The following FRMD4A variants were observed in gnomAD, a reference collection of about 807,000 sequenced individuals.
FRMD4A encodes the protein FERM domain containing 4A.
In FRMD4A, 29 loss-of-function variants were observed where a neutral mutation model predicts 129.1. The observed-to-expected ratio is 0.22, with a 90% CI of 0.17 to 0.31. FRMD4A has a LOEUF of 0.31. Ranked by LOEUF, FRMD4A falls within the 10% of genes least tolerant of loss-of-function variation. The pLI is 1.00. For synonymous variants in FRMD4A, 634 were observed against 571.6 expected (o/e 1.11, Z -1.56); for missense variants, 1,272 against 1,375.8 (o/e 0.92, Z 1.19).
chr10:13,869,463 C>T (rs1037663936), intron 2 of FRMD4A, among the ~76,000 whole-genome samples: 4 of 152,248 alleles, frequency 2.6e-5, no homozygotes, highest in Admixed American at 6.5e-5. Context: ...GCCAAGATTC[C>T]GCTGGGGCGG....
chr10:14,140,166 A>G (rs561120846), intron 2 of FRMD4A, among the ~76,000 whole-genome samples: 6 of 152,176 alleles, frequency 3.9e-5, no homozygotes, highest in East Asian at 1.9e-4. Flanking sequence ...GGTTCAAGCG[A>G]TTCTCCCACC....
chr10:14,231,037 G>A (rs183243769), intron 2 of FRMD4A, among the ~76,000 whole-genome samples: 7 of 152,270 alleles, frequency 4.6e-5, no homozygotes, highest in Admixed American at 4.6e-4. Context: ...TGGGCACTAA[G>A]GTTGATTTCA....
chr10:14,174,970 A>G lies in FRMD4A; in HGVS notation c.45+155088T>C, dbSNP rs544496377. On this transcript the variant is annotated intron_variant, in intron 2 of 24. Transcript: ENST00000357447. ...CAGGAGTCCAAATAAATCAGGATTG[A>G]CTGTTTCATTCAGCATTGCTGGTCA... 1.8e-4 allele frequency among the ~76,000 whole-genome samples: 28 copies of G among 151,840 alleles called. No individual in the cohort carries two copies. In the South Asian group the frequency reaches 5.6e-3, roughly 30 times the overall value.
chr10:13,681,637 A>T (rs897225385), intron 15 of FRMD4A, among the ~76,000 whole-genome samples: 1 of 152,174 alleles, frequency 6.6e-6, no homozygotes, highest in African/African-American at 2.4e-5. Flanking sequence ...GAGTATTCTG[A>T]ATATTCTTTA....
At chr10:13,721,178 G>C (rs2089373292) in intron 12 of FRMD4A, among the ~76,000 whole-genome samples, 1 of 152,124 alleles carries the variant, frequency 6.6e-6, no homozygotes, top group African/African-American at 2.4e-5. Context: ...GACAGTCTTT[G>C]ATTAAAACTC....
intron 6 of FRMD4A, among the ~76,000 whole-genome samples, chr10:13,777,791 A>ATTTTTTTTTTTTTTTTT (rs34059772): frequency 3.5e-5 from 3 of 85,964 alleles, no homozygotes; most frequent in East Asian, 3.9e-4. Flanking sequence ...CTTTGGGTCA[A>ATTTTTTTTTTTTTTTTT]TTTTTTTTTT....
intron 13 of FRMD4A, among the ~76,000 whole-genome samples, chr10:13,705,667 T>G (rs2087353573): frequency 6.6e-6 from 1 of 152,102 alleles, no homozygotes; most frequent in Non-Finnish European, 1.5e-5. Context: ...TTTTGAAATC[T>G]CCCCGCCCAC....
At chr10:14,192,209 A>C (rs566549859) in intron 2 of FRMD4A, among the ~76,000 whole-genome samples, 2 of 152,306 alleles carry the variant, frequency 1.3e-5, no homozygotes, top group East Asian at 3.9e-4. Context: ...GGAGAATAAC[A>C]TATCTAATTC....
intron 2 of FRMD4A, among the ~76,000 whole-genome samples, chr10:14,054,422 G>C (rs1834410749): frequency 6.6e-6 from 1 of 152,106 alleles, no homozygotes; most frequent in Non-Finnish European, 1.5e-5. Flanking sequence ...CCACAGCCTT[G>C]CCCTAATTTC....
chr10:13,693,139 G>T lies in FRMD4A; in HGVS notation c.1117+759C>A, dbSNP rs143458609. The T allele has an allele frequency of 5.7e-3, 883 of 155,110 alleles. 9 individuals are homozygous for T. Among genetic ancestry groups the T allele is most frequent in the African/African-American group, 0.021 (847 of 41,250 alleles). 9.6% of individuals were successfully genotyped at this position (155,110 alleles called of 1,614,324 possible). A position where few individuals can be genotyped will look rare whatever the true frequency, so the allele number is the denominator to read the frequency against. On this transcript the variant is annotated intron_variant, in intron 15 of 24. Coordinates refer to ENST00000357447, the MANE Select transcript of FRMD4A (RefSeq NM_018027.5). ...TTCTCCAGCCTCGGCCTCCCACAGT[G>T]CTGGGATTAGAGGTGTGAGCCACCG...
intron 2 of FRMD4A, among the ~76,000 whole-genome samples, chr10:14,048,164 A>T (rs756179788): frequency 1.3e-5 from 2 of 152,174 alleles, no homozygotes; most frequent in Non-Finnish European, 2.9e-5. Flanking sequence ...CCGTACCAAG[A>T]TATCACTAGG....
intron 2 of FRMD4A, among the ~76,000 whole-genome samples, chr10:14,195,428 A>AT (rs1176325616): frequency 7.4e-6 from 1 of 135,526 alleles, no homozygotes; most frequent in East Asian, 2.1e-4. Context: ...GTTTTCTTTC[A>AT]TTAAAAAAAA....
intron 3 of FRMD4A, among the ~76,000 whole-genome samples, chr10:13,856,015 T>TATCTATCTATCTATC (rs1365314060): frequency 0.045 from 1,080 of 23,996 alleles, 8 homozygotes; most frequent in African/African-American, 0.1. Flanking sequence ...ACACAAATAC[T>TATCTATCTATCTATC]ATCTATCTAT....
chr10:13,823,577 C>T (rs1403913328), intron 3 of FRMD4A, among the ~76,000 whole-genome samples: 2 of 152,174 alleles, frequency 1.3e-5, no homozygotes, highest in Non-Finnish European at 2.9e-5. Flanking sequence ...TCTGGTCTGC[C>T]ACTTCCATTT....
chr10:14,121,354 T>C (rs7075287), intron 2 of FRMD4A, among the ~76,000 whole-genome samples: 24,705 of 152,000 alleles, frequency 0.16, 2,127 homozygotes, highest in Non-Finnish European at 0.2. Context: ...GGCAGCAGAG[T>C]GAGACTCTGT....
At chr10:13,707,372 T>A in intron 12 of FRMD4A, 1 of 1,164,276 alleles carries the variant, frequency 8.6e-7, no homozygotes, top group Non-Finnish European at 1.1e-6. Context: ...CTTTTCAAGT[T>A]CTCCGCCTTC....
rs138531112 is a variant in FRMD4A at position 14,122,846 on chromosome 10, T to C, written c.45+207212A>G. ...GCGATGTTTCAATACATATACTGTA[T>C]AGTGATGAGATGGGGATAATTAACA... On this transcript the variant is annotated intron_variant, in intron 2 of 24. Coordinates refer to ENST00000357447, the MANE Select transcript of FRMD4A (RefSeq NM_018027.5). 6.6e-5 allele frequency among the ~76,000 whole-genome samples: 10 copies of C among 152,278 alleles called. No homozygotes were observed. The East Asian group carries it at 9.6e-4, about 15-fold the overall frequency.
intron 2 of FRMD4A, among the ~76,000 whole-genome samples, chr10:14,127,792 C>T (rs887018472): frequency 6.6e-6 from 1 of 152,188 alleles, no homozygotes; most frequent in African/African-American, 2.4e-5. Flanking sequence ...TCCATCTCCT[C>T]CTCTTGGAAT....
At chr10:14,009,974 T>C (rs1373390411) in intron 2 of FRMD4A, among the ~76,000 whole-genome samples, 1 of 152,202 alleles carries the variant, frequency 6.6e-6, no homozygotes, top group Non-Finnish European at 1.5e-5. Context: ...TACCCGATGA[T>C]TGAGCCAAAG....
Sources: allele counts gnomAD v4.1 joint callset (sites outside exome capture counted in the v4.1 genomes callset), GRCh38; gene constraint gnomAD v4.1.1; transcripts MANE v1.5; gene names NCBI Gene and HGNC (gene_info 2026-07-23, HGNC 2026-07-21).